Variants in IL1RAP observed in about 807,000 individuals in gnomAD.
IL1RAP encodes interleukin-1 receptor accessory protein.
A neutral mutation model predicts 60.7 loss-of-function variants in IL1RAP; 35 were observed. The ratio of observed to expected loss-of-function variants is 0.58; its 90% CI spans 0.44 to 0.76. The LOEUF (loss-of-function observed/expected upper bound fraction) is 0.76. Among genes scored for constraint, IL1RAP ranks in the 30% least tolerant of loss-of-function variants. The pLI is 0.00. For synonymous variants in IL1RAP, 268 were observed against 250.9 expected (o/e 1.07, Z -0.64); for missense variants, 572 against 693.9 (o/e 0.82, Z 1.97).
At chr3:190,597,646 A>C (rs529339705) in intron 3 of IL1RAP, among the ~76,000 whole-genome samples, 2 of 152,284 alleles carry the variant, frequency 1.3e-5, no homozygotes, top group Non-Finnish European at 2.9e-5. Flanking sequence ...CCAATTACCA[A>C]AGAGAAGTAG....
At chr3:190,561,975 G>A (rs1236334637) in intron 2 of IL1RAP, among the ~76,000 whole-genome samples, 1 of 152,082 alleles carries the variant, frequency 6.6e-6, no homozygotes, top group African/African-American at 2.4e-5. Flanking sequence ...GAAAACTTTG[G>A]TGACTCCCTA....
At chr3:190,621,347 A>C (rs961948312) in intron 6 of IL1RAP, among the ~76,000 whole-genome samples, 8 of 152,244 alleles carry the variant, frequency 5.3e-5, no homozygotes, top group African/African-American at 1.9e-4. Context: ...TAGTGCAAAT[A>C]GTATTCAAAC....
At chr3:190,524,880 A>G (rs2108519550) in intron 1 of IL1RAP, among the ~76,000 whole-genome samples, 1 of 152,304 alleles carries the variant, frequency 6.6e-6, no homozygotes, top group East Asian at 1.9e-4. Flanking sequence ...ACACATATAT[A>G]TACACATTTA....
intron 7 of IL1RAP, among the ~76,000 whole-genome samples, chr3:190,626,971 T>C (rs551656839): frequency 1.5e-3 from 224 of 152,224 alleles, no homozygotes; most frequent in African/African-American, 4.9e-3. Context: ...TGCCTAGCCT[T>C]GTCAGAGACT....
exon 12 of IL1RAP, chr3:190,659,632 T>C (rs1734721222): frequency 1.3e-5 from 2 of 152,206 alleles, no homozygotes; most frequent in Admixed American, 1.3e-4. Context: ...CTTAGTTGCA[T>C]GAGTTTTAAA....
downstream of IL1RAP, among the ~76,000 whole-genome samples, chr3:190,652,166 TA>T (rs554595428): frequency 2.5e-3 from 364 of 148,064 alleles, 2 homozygotes; most frequent in Non-Finnish European, 4.4e-3. Context: ...CTTTTTGCTT[TA>T]AAAAAAAAAA....
chr3:190,650,527 G>A lies in IL1RAP; in HGVS notation c.*1822G>A, dbSNP rs765717464. 138 of 980,000 alleles carry A rather than the reference G, an allele frequency of 1.4e-4. No homozygotes were observed. The African/African-American group carries it at 1.9e-3, about 13-fold the overall frequency. The allele number at this position is 980,000 out of a possible 1,614,324, so 60.7% of individuals were successfully genotyped here. ...GGTATCCTGTGAAACAGAATAATTC[G>A]TAATTTAAGAAAGCCCTTATCCCGG... On this transcript the variant is annotated 3_prime_UTR_variant, in exon 12 of 12. Coordinates refer to ENST00000447382, the MANE Select transcript of IL1RAP (RefSeq NM_002182.4).
intron 1 of IL1RAP, among the ~76,000 whole-genome samples, chr3:190,541,820 T>G (rs1723958116): frequency 6.6e-6 from 1 of 152,140 alleles, no homozygotes; most frequent in African/African-American, 2.4e-5. Flanking sequence ...ATTATCACTT[T>G]AACCAACCTA....
In IL1RAP at chr3:190,577,298, T is replaced by A. The variant is rs190742354; in HGVS notation, c.64+12945T>A. Among the ~76,000 whole-genome samples, 965 of 152,292 alleles carry A rather than the reference T, an allele frequency of 6.3e-3. 34 individuals carry two copies. The highest frequency in any genetic ancestry group is 0.057 in the Admixed American group (869 of 15,296). ...GAACTAGTGTGAAACCTTTACCAACTGTGGCAGTTGTTTGCCGGAGCTAGG... is the reference window on the plus strand; with the variant it reads ...GAACTAGTGTGAAACCTTTACCAACAGTGGCAGTTGTTTGCCGGAGCTAGG... On this transcript the variant is annotated intron_variant, in intron 3 of 11. Coordinates refer to ENST00000447382, the MANE Select transcript of IL1RAP (RefSeq NM_002182.4).
intron 3 of IL1RAP, among the ~76,000 whole-genome samples, chr3:190,583,539 A>G (rs1728185713): frequency 6.6e-6 from 1 of 152,232 alleles, no homozygotes; most frequent in African/African-American, 2.4e-5. Context: ...CTGGATGAGC[A>G]GGACTAAAGC....
At chr3:190,528,166 T>G (rs1376253162) in intron 1 of IL1RAP, among the ~76,000 whole-genome samples, 1 of 152,200 alleles carries the variant, frequency 6.6e-6, no homozygotes, top group African/African-American at 2.4e-5. Context: ...ATCATTTACT[T>G]GTATACTAAA....
intron 1 of IL1RAP, among the ~76,000 whole-genome samples, chr3:190,523,425 C>A (rs1237880444): frequency 6.6e-6 from 1 of 151,812 alleles, no homozygotes; most frequent in African/African-American, 2.4e-5. Flanking sequence ...ACATAGGTAA[C>A]CTTGTGTCGT....
chr3:190,607,480 G>A (rs1730436203), intron 4 of IL1RAP, among the ~76,000 whole-genome samples: 1 of 152,062 alleles, frequency 6.6e-6, no homozygotes, highest in South Asian at 2.1e-4. Context: ...TTTTACAGAG[G>A]ATAAGCGTAC....
rs181653513 is a variant in IL1RAP at position 190,514,112 on chromosome 3, C to T, written c.-196C>T. On this transcript the variant is annotated 5_prime_UTR_variant, in exon 1 of 12. Transcript: ENST00000447382. The stretch of plus-strand genomic sequence containing the variant: ...CTCACTGGGGAAGACTGCCGGGATC[C>T]AGGTCTCCGGGGTCCGCTTTGGCCA... 1.5e-4 allele frequency: 23 copies of T among 152,410 alleles called. No individual in the cohort carries two copies. Among genetic ancestry groups the T allele is most frequent in the African/African-American group, 5.3e-4 (22 of 41,586 alleles). 9.4% of individuals were successfully genotyped at this position (152,410 alleles called of 1,614,324 possible).
intron 9 of IL1RAP, among the ~76,000 whole-genome samples, chr3:190,642,897 A>AT (rs1733760221): frequency 1.3e-5 from 2 of 152,188 alleles, no homozygotes; most frequent in South Asian, 4.1e-4. Flanking sequence ...CCCAGTAAAT[A>AT]TACTGTTCCT....
intron 3 of IL1RAP, among the ~76,000 whole-genome samples, chr3:190,589,817 A>G (rs1560194176): frequency 6.6e-6 from 1 of 152,230 alleles, no homozygotes; most frequent in Non-Finnish European, 1.5e-5. Context: ...CATTAAATAC[A>G]TGATGGGCTT....
intron 1 of IL1RAP, among the ~76,000 whole-genome samples, chr3:190,525,739 A>T (rs1366937195): frequency 6.6e-6 from 1 of 152,178 alleles, no homozygotes; most frequent in Non-Finnish European, 1.5e-5. Flanking sequence ...AATAGGGAAA[A>T]CCTATATATT....
intron 1 of IL1RAP, among the ~76,000 whole-genome samples, chr3:190,533,785 A>C (rs1723185591): frequency 6.6e-6 from 1 of 152,156 alleles, no homozygotes; most frequent in African/African-American, 2.4e-5. Context: ...TCTTACAGGA[A>C]TGATGACACA....
chr3:190,514,718 T>G (rs996960579), intron 1 of IL1RAP, among the ~76,000 whole-genome samples: 2 of 152,208 alleles, frequency 1.3e-5, no homozygotes, highest in African/African-American at 4.8e-5. Context: ...CCTGACCTGC[T>G]TTCTCAGAAA....
Sources: allele counts gnomAD v4.1 joint callset (sites outside exome capture counted in the v4.1 genomes callset), GRCh38; gene constraint gnomAD v4.1.1; transcripts MANE v1.5; gene names NCBI Gene and HGNC (gene_info 2026-07-23, HGNC 2026-07-21).